PDGFD: variants seen among roughly 807,000 people sequenced by gnomAD.
The protein encoded by PDGFD is platelet-derived growth factor D.
Under a neutral mutation model 44.7 loss-of-function variants are expected in PDGFD, and 30 were observed. The observed-to-expected ratio is 0.67, with a 90% CI of 0.50 to 0.91. PDGFD has a LOEUF of 0.91. Ranked by LOEUF, PDGFD falls within the 40% of genes least tolerant of loss-of-function variation. The pLI is 0.00. For missense variants in PDGFD, 445 were observed against 457.8 expected, an observed-to-expected ratio of 0.97 and a Z score of 0.25; for synonymous variants, 173 against 168.4, an observed-to-expected ratio of 1.03 and a Z score of -0.21.
chr11:104,122,532 G>A (rs941217464), intron 1 of PDGFD, among the ~76,000 whole-genome samples: 28 of 151,684 alleles, frequency 1.8e-4, no homozygotes, highest in Non-Finnish European at 3.5e-4. Flanking sequence ...CATTTCTCTG[G>A]GACCCCTCTC....
chr11:104,058,712 A>G (rs1016730544), intron 1 of PDGFD, among the ~76,000 whole-genome samples: 3 of 152,228 alleles, frequency 2.0e-5, no homozygotes, highest in African/African-American at 7.2e-5. Flanking sequence ...CGTAATAACT[A>G]AAAACCAGAA....
chr11:104,037,371 G>A (rs1241982192), intron 1 of PDGFD: 1 of 1,614,030 alleles, frequency 6.2e-7, no homozygotes, highest in Non-Finnish European at 8.5e-7. Context: ...CTCAGGTGCT[G>A]ATGGAGCAGC....
chr11:104,052,776 T>C (rs1393117852), intron 1 of PDGFD, among the ~76,000 whole-genome samples: 1 of 152,140 alleles, frequency 6.6e-6, no homozygotes, highest in Non-Finnish European at 1.5e-5. Flanking sequence ...ACTGGTTGCT[T>C]TTGCATAACA....
intron 1 of PDGFD, among the ~76,000 whole-genome samples, chr11:104,118,120 G>T (rs770310673): frequency 6.6e-6 from 1 of 151,856 alleles, no homozygotes; most frequent in African/African-American, 2.4e-5. Context: ...TGTGAACAAA[G>T]AAAATTGTAT....
chr11:104,147,978 A>G (rs189181861), intron 1 of PDGFD, among the ~76,000 whole-genome samples: 2 of 152,330 alleles, frequency 1.3e-5, no homozygotes, highest in East Asian at 3.9e-4. Context: ...AGAAGTATCA[A>G]TGCTGATTAA....
In PDGFD at chr11:104,000,106, G is replaced by C; in HGVS notation, c.274C>G (p.Gln92Glu). 1 of 1,613,968 alleles carries C rather than the reference G, an allele frequency of 6.2e-7. No individual in the cohort carries two copies. The highest frequency in any genetic ancestry group is 8.5e-7 in the Non-Finnish European group (1 of 1,179,992). Residue 92 changes from glutamine (Q) to glutamate (E), a missense_variant, in exon 2 of 7, where the codon CAG becomes GAG. Physicochemically the swap from Gln to Glu is conservative, Grantham distance 29 (BLOSUM62 2). Coordinates refer to ENST00000393158, the MANE Select transcript of PDGFD (RefSeq NM_025208.5). Reference sequence around the variant, plus strand: ...CCAAACTGATTGTCAAACACTAGCTGTATCCGTGTATTCTCCTGAGAGTGA... The same window carrying C: ...CCAAACTGATTGTCAAACACTAGCTCTATCCGTGTATTCTCCTGAGAGTGA... ...RLHSQENTRI[Q>E]LVFDNQFGLE...
At chr11:104,123,295 T>A (rs1330267923) in intron 1 of PDGFD, among the ~76,000 whole-genome samples, 2 of 152,098 alleles carry the variant, frequency 1.3e-5, no homozygotes, top group Non-Finnish European at 2.9e-5. Context: ...TAAACAATAA[T>A]GTCATTTTTC....
At chr11:104,135,239 C>T (rs950371581) in intron 1 of PDGFD, among the ~76,000 whole-genome samples, 5 of 152,166 alleles carry the variant, frequency 3.3e-5, no homozygotes, top group African/African-American at 1.2e-4. Flanking sequence ...TATTACAGCA[C>T]CTGGTATTGG....
At chr11:103,925,094 G>C (rs58469532) in intron 6 of PDGFD, among the ~76,000 whole-genome samples, 7 of 152,200 alleles carry the variant, frequency 4.6e-5, no homozygotes, top group African/African-American at 1.7e-4. Flanking sequence ...TGAGAATGAT[G>C]GTTTCTAGCT....
intron 1 of PDGFD, among the ~76,000 whole-genome samples, chr11:104,108,889 A>T (rs1048771085): frequency 5.3e-5 from 8 of 152,192 alleles, no homozygotes; most frequent in Non-Finnish European, 1.2e-4. Flanking sequence ...GGATGAGTTC[A>T]TGTCCTTTGT....
chr11:103,941,552 C>T (rs1858584287), intron 5 of PDGFD, among the ~76,000 whole-genome samples: 1 of 151,888 alleles, frequency 6.6e-6, no homozygotes, highest in Admixed American at 6.6e-5. Context: ...TTGATGGCAC[C>T]AGAAGCAGTC....
Position 104,140,066 on chromosome 11 carries a change from C to CA in PDGFD, c.124+23737dup, listed in dbSNP as rs1279605011. Among the ~76,000 whole-genome samples, 73 of 128,260 alleles carry CA rather than the reference C, an allele frequency of 5.7e-4. 27 individuals carry two copies. Among genetic ancestry groups the CA allele is most frequent in the African/African-American group, 1.6e-3 (57 of 34,888 alleles). 84.1% of individuals were successfully genotyped at this position (128,260 alleles called of 152,430 possible). ...TGGGCGACAGAGCGAGACTCCGTCT[C>CA]AAAAAAAAAAAAATAAATAAATAAA... is the stretch of plus-strand genomic sequence containing the variant. On this transcript the variant is annotated intron_variant, in intron 1 of 6. Transcript: ENST00000393158.
At chr11:104,054,627 A>G (rs1187988226) in intron 1 of PDGFD, among the ~76,000 whole-genome samples, 1 of 152,312 alleles carries the variant, frequency 6.6e-6, no homozygotes, top group Middle Eastern at 3.4e-3. Context: ...ACAAATGAAG[A>G]TGGTGGGGAA....
chr11:104,005,416 C>T (rs926081870), intron 1 of PDGFD, among the ~76,000 whole-genome samples: 2 of 152,168 alleles, frequency 1.3e-5, no homozygotes. Flanking sequence ...CTAAGTCACA[C>T]TGTTTACATA....
chr11:103,965,569 A>G (rs1859005913), intron 3 of PDGFD, among the ~76,000 whole-genome samples: 1 of 152,352 alleles, frequency 6.6e-6, no homozygotes, highest in East Asian at 1.9e-4. Flanking sequence ...ATGGGTAGAA[A>G]GAATACAATT....
intron 1 of PDGFD, among the ~76,000 whole-genome samples, chr11:104,059,514 G>T (rs1301522327): frequency 6.6e-6 from 1 of 152,034 alleles, no homozygotes; most frequent in Non-Finnish European, 1.5e-5. Context: ...GCACTAGATT[G>T]TTACAGTATT....
At chr11:103,911,456 A>C (rs956845762) in intron 6 of PDGFD, among the ~76,000 whole-genome samples, 1 of 152,208 alleles carries the variant, frequency 6.6e-6, no homozygotes, top group Non-Finnish European at 1.5e-5. Context: ...ACATCCACTC[A>C]GAGACCCCAT....
At chr11:104,066,078 T>C (rs764715909) in intron 1 of PDGFD, among the ~76,000 whole-genome samples, 2 of 152,210 alleles carry the variant, frequency 1.3e-5, no homozygotes, top group African/African-American at 2.4e-5. Flanking sequence ...AAGTTGAAAG[T>C]ATGTTTATTG....
At chr11:103,922,422 G>C (rs1247072600) in intron 6 of PDGFD, among the ~76,000 whole-genome samples, 1 of 152,110 alleles carries the variant, frequency 6.6e-6, no homozygotes, top group Admixed American at 6.5e-5. Flanking sequence ...AGATCACTCT[G>C]ACCTTCCCCT....
Sources: gnomAD v4.1 joint callset for allele counts (sites outside exome capture counted in the v4.1 genomes callset) on GRCh38, gnomAD v4.1.1 for gene constraint, MANE v1.5 for transcripts, NCBI Gene and HGNC (gene_info 2026-07-23, HGNC 2026-07-21) for gene names.